Variants in PHF21B observed in about 807,000 individuals in gnomAD.
The protein encoded by PHF21B is PHD finger protein 21B, also known as PHD finger protein 4.
A neutral mutation model predicts 62.2 loss-of-function variants in PHF21B; 22 were observed. The observed-to-expected ratio is 0.35, with a 90% CI of 0.25 to 0.51. The LOEUF is 0.51. Ranked by LOEUF, PHF21B falls within the 20% of genes least tolerant of loss-of-function variation. The pLI is 0.97. For missense variants in PHF21B, 701 were observed against 707.9 expected (o/e 0.99, Z 0.11); for synonymous variants, 341 against 314.7 (o/e 1.08, Z -0.88).
At chr22:44,993,270 C>G (rs551188367) in intron 2 of PHF21B, among the ~76,000 whole-genome samples, 6 of 152,356 alleles carry the variant, frequency 3.9e-5, no homozygotes, top group African/African-American at 1.4e-4. Flanking sequence ...CTGGTTCACA[C>G]TCCAGCTTCA....
At chr22:44,943,551 T>TG (rs901798937) in intron 2 of PHF21B, among the ~76,000 whole-genome samples, 8 of 152,186 alleles carry the variant, frequency 5.3e-5, no homozygotes, top group African/African-American at 1.9e-4. Flanking sequence ...CACGGGCAGC[T>TG]GCACGCTTCC....
At chr22:44,901,269 G>C (rs1451061276) in intron 5 of PHF21B, among the ~76,000 whole-genome samples, 6 of 152,194 alleles carry the variant, frequency 3.9e-5, no homozygotes, top group Non-Finnish European at 8.8e-5. Flanking sequence ...CGTTTTACTG[G>C]CCTGACCTGG....
rs1243170376 is a variant in PHF21B at position 44,883,218 on chromosome 22, C to T, written c.1464G>A (p.Leu488=). The T allele has an allele frequency of 1.2e-6, 2 of 1,613,932 alleles. No individual in the cohort carries two copies. The highest frequency in any genetic ancestry group is 4.5e-5 in the East Asian group (2 of 44,886). Residue 488 remains leucine (L), a synonymous_variant, in exon 13 of 13, where the codon CTG becomes CTA. Transcript: ENST00000313237. The part of the protein sequence containing the change: ...SLDRLRALLR[L]IQGEQLLQVT... ...CCTGGAGCAGCTGCTCGCCCTGTAT[C>T]AGTCTCAGGAGGGCCCGCAGGCGGT...
intron 2 of PHF21B, among the ~76,000 whole-genome samples, chr22:44,988,337 C>T (rs1226485176): frequency 2.0e-5 from 3 of 152,120 alleles, no homozygotes; most frequent in Non-Finnish European, 4.4e-5. Flanking sequence ...TAGCATGGGC[C>T]TGTTGTCCTA....
At chr22:44,969,823 C>G (rs1168673028) in intron 2 of PHF21B, among the ~76,000 whole-genome samples, 1 of 152,138 alleles carries the variant, frequency 6.6e-6, no homozygotes, top group East Asian at 1.9e-4. Context: ...TCTATAAGGG[C>G]CTATAGTGTC....
chr22:45,007,713 AAGGGGCGGGTGTGCGAGT>A (rs2073348993), intron 2 of PHF21B, among the ~76,000 whole-genome samples: 1 of 20,360 alleles, frequency 4.9e-5, no homozygotes, highest in South Asian at 9.4e-4. Flanking sequence ...GAGCGCGGGG[AAGGGGCGGGTGTGCGAGT>A]GCGGGGAGGG....
Position 45,009,059 on chromosome 22 carries a change from C to T in PHF21B, c.54+437G>A. ...ACGCCGAGCCCCGCTCAGGCTCCGG[C>T]CGCCACGCCGCCGCTCGCCAGCAGC... is the stretch of plus-strand genomic sequence containing the variant. On this transcript the variant is annotated intron_variant, in intron 1 of 12. Transcript: ENST00000313237. The surrounding 1 kb of genome is among the most constrained non-coding windows in gnomAD (Gnocchi z 5.9). 1 of 1,117,192 alleles carries T rather than the reference C, an allele frequency of 9.0e-7. No individual in the cohort carries two copies. The highest frequency in any genetic ancestry group is 1.1e-6 in the Non-Finnish European group (1 of 909,982). 69.2% of individuals were successfully genotyped at this position (1,117,192 alleles called of 1,614,324 possible). A position where few individuals can be genotyped will look rare whatever the true frequency, so the allele number is the denominator to read the frequency against.
intron 5 of PHF21B, among the ~76,000 whole-genome samples, chr22:44,907,797 C>G (rs1309091944): frequency 6.6e-6 from 1 of 152,178 alleles, no homozygotes; most frequent in Non-Finnish European, 1.5e-5. Flanking sequence ...TAAGGTGAAG[C>G]CATGTCATAG....
chr22:44,938,532 A>C (rs1261922388), intron 2 of PHF21B, among the ~76,000 whole-genome samples: 1 of 152,138 alleles, frequency 6.6e-6, no homozygotes, highest in Non-Finnish European at 1.5e-5. Context: ...TGCGCCCAAA[A>C]AATCTATATA....
intron 2 of PHF21B, among the ~76,000 whole-genome samples, chr22:44,977,847 A>ACC: frequency 6.6e-6 from 1 of 150,600 alleles, no homozygotes; most frequent in South Asian, 2.1e-4. Context: ...ATGGCCTCCC[A>ACC]AAGTGTGTGA....
intron 2 of PHF21B, among the ~76,000 whole-genome samples, chr22:44,940,558 A>G (rs939560293): frequency 6.6e-6 from 1 of 152,236 alleles, no homozygotes; most frequent in Non-Finnish European, 1.5e-5. Context: ...GCCGCCTGAG[A>G]GGCTGCCTAA....
chr22:44,952,297 C>G (rs554444504), intron 2 of PHF21B, among the ~76,000 whole-genome samples: 5 of 152,142 alleles, frequency 3.3e-5, no homozygotes, highest in Admixed American at 6.5e-5. Flanking sequence ...GAGCCGAGAT[C>G]GCACCAGTGT....
At position 44,923,788 on chromosome 22, in the gene PHF21B, T is replaced by C. The variant is rs184986175; in HGVS notation, c.121-3298A>G. Among the ~76,000 whole-genome samples the C allele has an allele frequency of 7.2e-5, 11 of 151,946 alleles. 1 individual carries two copies. Among genetic ancestry groups the C allele is most frequent in the African/African-American group, 2.7e-4 (11 of 41,400 alleles). On this transcript the variant is annotated intron_variant, in intron 2 of 12. Coordinates refer to ENST00000313237, the MANE Select transcript of PHF21B (RefSeq NM_138415.5). ...ATCCCAGCACTTTGGGAGGTGGAGGTAGGCCAATCTCTTGAGGCCAGGAGT... is the reference window on the plus strand; with the variant it reads ...ATCCCAGCACTTTGGGAGGTGGAGGCAGGCCAATCTCTTGAGGCCAGGAGT...
At position 44,962,379 on chromosome 22, in the gene PHF21B, C is replaced by T. The variant is rs570036618; in HGVS notation, c.121-41889G>A. On this transcript the variant is annotated intron_variant, in intron 2 of 12. Transcript: ENST00000313237. The stretch of plus-strand genomic sequence containing the variant: ...TTGAAAATACATTTAACACACCTGG[C>T]CTGCTGAACATCATAGCCTAGCCCA... Among the ~76,000 whole-genome samples, 35 of 152,326 alleles carry T rather than the reference C, an allele frequency of 2.3e-4. No individual in the cohort carries two copies. The South Asian group carries it at 3.7e-3, about 16-fold the overall frequency.
chr22:44,982,789 G>T (rs1175500649), intron 2 of PHF21B, among the ~76,000 whole-genome samples: 4 of 152,132 alleles, frequency 2.6e-5, no homozygotes, highest in Non-Finnish European at 1.5e-5. Flanking sequence ...GCTCATTAGG[G>T]GTGAGTGTGT....
chr22:44,949,826 C>A (rs952214049), intron 2 of PHF21B, among the ~76,000 whole-genome samples: 4 of 151,484 alleles, frequency 2.6e-5, no homozygotes, highest in Non-Finnish European at 5.9e-5. Flanking sequence ...TCACATCCTG[C>A]AAAACGTTCT....
intron 2 of PHF21B, among the ~76,000 whole-genome samples, chr22:44,999,333 G>C (rs1038791271): frequency 6.6e-6 from 1 of 152,192 alleles, no homozygotes; most frequent in African/African-American, 2.4e-5. Context: ...ACGCAAGCCA[G>C]AGAGAGGGAG....
At chr22:44,985,329 A>G (rs1476223353) in intron 2 of PHF21B, among the ~76,000 whole-genome samples, 1 of 152,164 alleles carries the variant, frequency 6.6e-6, no homozygotes, top group Non-Finnish European at 1.5e-5. Flanking sequence ...GGAAACTGCA[A>G]CTCACAGGGT....
At chr22:45,007,806 C>G (rs936489209) in intron 2 of PHF21B, among the ~76,000 whole-genome samples, 1 of 150,354 alleles carries the variant, frequency 6.7e-6, no homozygotes, top group Non-Finnish European at 1.5e-5. Flanking sequence ...CGCGGCCGGC[C>G]GGGCTCTGGC....
Sources: allele counts gnomAD v4.1 joint callset (sites outside exome capture counted in the v4.1 genomes callset), GRCh38; gene constraint gnomAD v4.1.1; non-coding constraint Gnocchi (gnomAD v3.1); transcripts MANE v1.5; gene names NCBI Gene and HGNC (gene_info 2026-07-23, HGNC 2026-07-21).